The following UBE2U variants were observed in gnomAD, a reference collection of about 807,000 sequenced individuals.
UBE2U encodes ubiquitin-conjugating enzyme E2 U.
A neutral mutation model predicts 41.2 loss-of-function variants in UBE2U; 39 were observed. The ratio of observed to expected loss-of-function variants is 0.95; its 90% CI spans 0.73 to 1.24. UBE2U has a LOEUF of 1.24. Ranked by LOEUF, UBE2U falls within the 50% of genes most tolerant of loss-of-function variation. UBE2U has a pLI of 0.00. For missense variants in UBE2U, 336 were observed against 363.1 expected, an observed-to-expected ratio of 0.93 and a Z score of 0.61; for synonymous variants, 107 against 117.8, an observed-to-expected ratio of 0.91 and a Z score of 0.60.
intron 2 of UBE2U, 63 bp from the exon 3 acceptor site, chr1:64,206,701 A>T: frequency 1.0e-6 from 1 of 986,012 alleles, no homozygotes; most frequent in Non-Finnish European, 1.5e-6. Context: ...TCCAGTGTTA[A>T]TCAGGTTACA....
chr1:64,227,629 C>G (rs571455747), intron 6 of UBE2U, among the ~76,000 whole-genome samples: 39 of 152,206 alleles, frequency 2.6e-4, no homozygotes, highest in Non-Finnish European at 5.4e-4. Flanking sequence ...TGCAGAAACC[C>G]TGTCTCTACT....
chr1:64,220,901 G>A lies in UBE2U; in HGVS notation c.500G>A (p.Cys167Tyr), dbSNP rs375161573. 3.1e-6 allele frequency: 5 copies of A among 1,602,482 alleles called. No individual in the cohort carries two copies. The East Asian group carries it at 9.0e-5, about 29-fold the overall frequency. The change falls in exon 6 of 10, where the codon TGT becomes TAT. Residue 167 changes from cysteine to tyrosine, a missense_variant. Transcript: ENST00000371077. The part of the protein sequence containing the change: ...SQELPKDPRK[C>Y]IRPIKTTSFS... ...GAGTTACCTAAAGACCCACGTAAATGTATCAGGTAAGTTTTTCTTTATACA... is the reference window on the plus strand; with the variant it reads ...GAGTTACCTAAAGACCCACGTAAATATATCAGGTAAGTTTTTCTTTATACA...
chr1:64,256,471 T>G (rs1369045702), intron 8 of UBE2U, among the ~76,000 whole-genome samples: 1 of 151,992 alleles, frequency 6.6e-6, no homozygotes, highest in Non-Finnish European at 1.5e-5. Flanking sequence ...ACCACACACC[T>G]ACAACTGTCT....
chr1:64,244,343 T>A (rs1644886117), intron 8 of UBE2U: 1 of 832,178 alleles, frequency 1.2e-6, no homozygotes, highest in East Asian at 7.0e-5. Context: ...TATAAAAATG[T>A]GTATATTATA....
intron 5 of UBE2U, among the ~76,000 whole-genome samples, chr1:64,218,711 C>T (rs1447076460): frequency 6.6e-6 from 1 of 152,206 alleles, no homozygotes; most frequent in Non-Finnish European, 1.5e-5. Flanking sequence ...CTCCCCCATC[C>T]TCCTAATATG....
intron 8 of UBE2U, among the ~76,000 whole-genome samples, chr1:64,245,162 T>C (rs1210090959): frequency 6.6e-6 from 1 of 152,176 alleles, no homozygotes; most frequent in Non-Finnish European, 1.5e-5. Flanking sequence ...ATTAATCAAT[T>C]ATTTGGTTTG....
In UBE2U at chr1:64,243,014, G is replaced by A. The variant is rs549611412; in HGVS notation, c.677+1281G>A. Among the ~76,000 whole-genome samples, 255 of 152,210 alleles carry A rather than the reference G, an allele frequency of 1.7e-3. 1 individual carries two copies. The highest frequency in any genetic ancestry group is 5.9e-3 in the African/African-American group (245 of 41,556). On this transcript the variant is annotated intron_variant, in intron 8 of 9. Transcript: ENST00000371077. ...CCAAAAATTTAGAAAAAGTAGAACC[G>A]TGTCATTTTCAATTTATCCATCCAC...
At chr1:64,205,618 A>G in intron 1 of UBE2U, 21 bp from the exon 2 acceptor site, 1 of 1,589,560 alleles carries the variant, frequency 6.3e-7, no homozygotes, top group Non-Finnish European at 8.6e-7. Flanking sequence ...TTTCTGATTT[A>G]ATTTTGTTTT....
intron 7 of UBE2U, among the ~76,000 whole-genome samples, chr1:64,239,906 A>T (rs1338812544): frequency 6.6e-6 from 1 of 152,128 alleles, no homozygotes; most frequent in African/African-American, 2.4e-5. Flanking sequence ...GGCTGGGTCA[A>T]GTGGTATTTC....
chr1:64,262,697 C>T (rs1381228802), intron 9 of UBE2U, among the ~76,000 whole-genome samples: 1 of 152,150 alleles, frequency 6.6e-6, no homozygotes, highest in Non-Finnish European at 1.5e-5. Context: ...GTAACATAAT[C>T]ATGTGAGTGA....
intron 8 of UBE2U, among the ~76,000 whole-genome samples, chr1:64,256,921 A>AAC (rs960417665): frequency 9.2e-5 from 14 of 151,556 alleles, no homozygotes; most frequent in East Asian, 5.8e-4. Flanking sequence ...GAAAAAAAAA[A>AAC]CCATTAAAAA....
rs554854674 is a variant in UBE2U at position 64,235,888 on chromosome 1, G to A, written c.595+3239G>A. 6.6e-5 allele frequency among the ~76,000 whole-genome samples: 10 copies of A among 152,116 alleles called. No homozygotes were observed. The South Asian group carries it at 1.2e-3, about 19-fold the overall frequency. On this transcript the variant is annotated intron_variant, in intron 7 of 9. Transcript: ENST00000371077. ...TAAGCACCTAATATATGTCGTGCAC[G>A]GTGGTATATCAACCCTACGTGCCAG...
intron 8 of UBE2U, among the ~76,000 whole-genome samples, chr1:64,256,032 A>T (rs1645085266): frequency 1.3e-5 from 2 of 152,314 alleles, no homozygotes; most frequent in South Asian, 4.1e-4. Flanking sequence ...ATTGCTACAA[A>T]AAGAATAAAA....
intron 8 of UBE2U, among the ~76,000 whole-genome samples, chr1:64,248,228 CCT>C (rs1402963817): frequency 3.3e-5 from 5 of 152,108 alleles, no homozygotes; most frequent in African/African-American, 1.2e-4. Context: ...CTTTCTCTCC[CCT>C]CAGTCCCCCT....
At chr1:64,219,890 G>A (rs945435461) in intron 5 of UBE2U, among the ~76,000 whole-genome samples, 6 of 152,262 alleles carry the variant, frequency 3.9e-5, no homozygotes, top group Admixed American at 2.6e-4. Context: ...GAGCCACTGC[G>A]TGCAGCCAAT....
intron 9 of UBE2U, among the ~76,000 whole-genome samples, chr1:64,261,977 T>C (rs566222265): frequency 3.7e-4 from 57 of 152,308 alleles, no homozygotes; most frequent in African/African-American, 1.3e-3. Context: ...AAATCCTTAA[T>C]GCTCTAATAC....
chr1:64,238,042 CTGTT>C (rs1270503872), intron 7 of UBE2U, among the ~76,000 whole-genome samples: 4 of 152,214 alleles, frequency 2.6e-5, no homozygotes, highest in Admixed American at 2.0e-4. Context: ...CTCTCTATGT[CTGTT>C]TGACCATCTG....
chr1:64,266,691 G>A lies in UBE2U; in HGVS notation c.770-333G>A, dbSNP rs574060520. 7.2e-5 allele frequency among the ~76,000 whole-genome samples: 11 copies of A among 152,196 alleles called. No individual in the cohort carries two copies. The South Asian group carries it at 1.2e-3, about 17-fold the overall frequency. On this transcript the variant is annotated intron_variant, in intron 9 of 9. Transcript: ENST00000371077. ...AACTGGTCTTCCTGTTTCAAAGTCC[G>A]ACTCAGTTTTCACTTAGACACAGTG... is the stretch of plus-strand genomic sequence containing the variant.
At chr1:64,210,525 A>T (rs1326473765) in intron 3 of UBE2U, among the ~76,000 whole-genome samples, 1 of 152,210 alleles carries the variant, frequency 6.6e-6, no homozygotes, top group East Asian at 1.9e-4. Flanking sequence ...AAAGGAGAGG[A>T]TAGGAAAAAC....
Sources: allele counts gnomAD v4.1 joint callset (sites outside exome capture counted in the v4.1 genomes callset), GRCh38; gene constraint gnomAD v4.1.1; transcripts MANE v1.5; gene names NCBI Gene and HGNC (gene_info 2026-07-23, HGNC 2026-07-21).